CHSY3: variants seen among roughly 807,000 people sequenced by gnomAD.
CHSY3 encodes chondroitin sulfate synthase 3.
A neutral mutation model predicts 67.2 loss-of-function variants in CHSY3; 35 were observed. That is an observed-to-expected ratio of 0.52 (90% confidence interval 0.40 to 0.69). The LOEUF (loss-of-function observed/expected upper bound fraction) is 0.69, where lower values mean the gene tolerates loss of function less well. Ranked by LOEUF, CHSY3 falls within the 30% of genes least tolerant of loss-of-function variation. The pLI is 0.00. For missense variants in CHSY3, 1,069 were observed against 1,138.5 expected (o/e 0.94, Z 0.88); for synonymous variants, 474 against 434.7 (o/e 1.09, Z -1.12).
intron 2 of CHSY3, among the ~76,000 whole-genome samples, chr5:130,049,137 G>A (rs968488795): frequency 6.6e-6 from 1 of 151,998 alleles, no homozygotes; most frequent in Admixed American, 6.6e-5. Context: ...TTGGCTCTAA[G>A]TCATGAGTTA....
In CHSY3 at chr5:130,185,019, C is replaced by A; in HGVS notation, c.1877C>A (p.Pro626His). 1 of 1,575,210 alleles carries A rather than the reference C, an allele frequency of 6.3e-7. No homozygotes were observed. Among genetic ancestry groups the A allele is most frequent in the Non-Finnish European group, 8.7e-7 (1 of 1,144,694 alleles). Residue 626 changes from proline (P) to histidine (H), a missense_variant, in exon 3 of 3, where the codon CCT becomes CAT. Transcript: ENST00000305031. ...GAAAAGAAAGTACACATTCTCGTTC[C>A]TCTCATCGGAAGGTATGACATTTTC... ...HNEKKVHILV[P>H]LIGRYDIFLR... is the part of the protein sequence containing the mutation.
Position 130,162,057 on chromosome 5 carries a change from A to AAGAAAG in CHSY3, c.1087-22171_1087-22170insGAAAGA, listed in dbSNP as rs1554087187. On this transcript the variant is annotated intron_variant, in intron 2 of 2. Coordinates refer to ENST00000305031, the MANE Select transcript of CHSY3 (RefSeq NM_175856.5). The stretch of plus-strand genomic sequence containing the variant: ...CCCTGTCTCAAAAAAAAAAAAAAAA[A>AAGAAAG]AAAGAAAGAAAGAAAGAAAAAGTTA... Among the ~76,000 whole-genome samples, 148 of 122,962 alleles carry AAGAAAG rather than the reference A, an allele frequency of 1.2e-3. 1 individual carries two copies. Among genetic ancestry groups the AAGAAAG allele is most frequent in the African/African-American group, 3.8e-3 (123 of 32,024 alleles). The allele number at this position is 122,962 out of a possible 152,430, so 80.7% of individuals were successfully genotyped here.
In CHSY3 at chr5:129,905,208, G is replaced by T. The variant is rs1178784995; in HGVS notation, c.379G>T (p.Ala127Ser). Residue 127 changes from alanine (A) to serine (S), a missense_variant, in exon 1 of 3, where the codon GCT becomes TCT. Physicochemically the swap from Ala to Ser is moderately conservative, Grantham distance 99. Transcript: ENST00000305031. ...EPEGATGLPG[A>S]PAAEGEPEEE... ...TGAGGGCGCGACGGGGCTTCCCGGT[G>T]CTCCAGCGGCCGAGGGGGAGCCCGA... 1.1e-5 allele frequency: 16 copies of T among 1,512,334 alleles called. No homozygotes were observed. Among genetic ancestry groups the T allele is most frequent in the Non-Finnish European group, 1.1e-5 (13 of 1,136,852 alleles). 93.7% of individuals were successfully genotyped at this position (1,512,334 alleles called of 1,614,324 possible).
At chr5:130,008,627 G>T (rs1242265988) in intron 2 of CHSY3, among the ~76,000 whole-genome samples, 1 of 152,162 alleles carries the variant, frequency 6.6e-6, no homozygotes, top group Non-Finnish European at 1.5e-5. Flanking sequence ...GACTGAAATG[G>T]CTGAAATGAC....
chr5:130,007,474 G>A (rs866346119), intron 2 of CHSY3, among the ~76,000 whole-genome samples: 2 of 152,116 alleles, frequency 1.3e-5, no homozygotes, highest in African/African-American at 4.8e-5. Context: ...AACCCTGCAT[G>A]TGGTTATTTA....
intron 2 of CHSY3, among the ~76,000 whole-genome samples, chr5:130,076,873 C>T (rs1766278084): frequency 6.7e-6 from 1 of 149,338 alleles, no homozygotes; most frequent in Non-Finnish European, 1.5e-5. Flanking sequence ...CGCATATTCT[C>T]ACTCATAGGT....
chr5:129,928,108 G>A (rs1267416347), intron 2 of CHSY3, among the ~76,000 whole-genome samples: 2 of 151,972 alleles, frequency 1.3e-5, no homozygotes, highest in Non-Finnish European at 2.9e-5. Flanking sequence ...GTAAATGTGT[G>A]TCATGGGGGT....
At chr5:129,954,859 A>G (rs550108321) in intron 2 of CHSY3, among the ~76,000 whole-genome samples, 3 of 151,984 alleles carry the variant, frequency 2.0e-5, no homozygotes, top group Admixed American at 2.0e-4. Flanking sequence ...AGTTGCCTGT[A>G]TCTTCTTAAA....
At chr5:129,984,261 A>G (rs1467361474) in intron 2 of CHSY3, among the ~76,000 whole-genome samples, 1 of 152,138 alleles carries the variant, frequency 6.6e-6, no homozygotes, top group Non-Finnish European at 1.5e-5. Context: ...GCTCACACTT[A>G]TTAGTTAAAA....
chr5:130,161,103 A>G (rs1174716175), intron 2 of CHSY3, among the ~76,000 whole-genome samples: 1 of 151,674 alleles, frequency 6.6e-6, no homozygotes, highest in African/African-American at 2.4e-5. Flanking sequence ...ACTGGGTTTC[A>G]TCATGTTAGC....
intron 2 of CHSY3, among the ~76,000 whole-genome samples, chr5:130,157,010 G>A (rs1200806628): frequency 3.3e-5 from 5 of 152,160 alleles, no homozygotes; most frequent in African/African-American, 1.2e-4. Flanking sequence ...CTGGTTTGAG[G>A]TGAGGCTTTG....
At chr5:129,975,084 G>A (rs1762762315) in intron 2 of CHSY3, 1 of 152,062 alleles carries the variant, frequency 6.6e-6, no homozygotes, top group South Asian at 2.1e-4. Context: ...TGTGGGGTGG[G>A]GGTAGGGGGG....
intron 2 of CHSY3, among the ~76,000 whole-genome samples, chr5:130,122,145 T>A (rs1307238250): frequency 6.6e-6 from 1 of 152,176 alleles, no homozygotes; most frequent in African/African-American, 2.4e-5. Flanking sequence ...ACAATTGATA[T>A]AATAGCTCAA....
intron 2 of CHSY3, among the ~76,000 whole-genome samples, chr5:130,017,222 T>C (rs1764242748): frequency 6.6e-6 from 1 of 152,080 alleles, no homozygotes; most frequent in African/African-American, 2.4e-5. Context: ...ATTCATGCTA[T>C]GCAGGTGTGG....
rs551291555 is a variant in CHSY3 at position 130,115,921 on chromosome 5, C to A, written c.1087-68308C>A. On this transcript the variant is annotated intron_variant, in intron 2 of 2. Coordinates refer to ENST00000305031, the MANE Select transcript of CHSY3 (RefSeq NM_175856.5). ...CATCCCTGGAGTCTGACTGAGCTCA[C>A]GTCGACCTCCTTCTACGATGGCTCA... 4.6e-5 allele frequency among the ~76,000 whole-genome samples: 7 copies of A among 152,320 alleles called. No individual in the cohort carries two copies. In the East Asian group the frequency reaches 1.4e-3, roughly 29 times the overall value.
intron 2 of CHSY3, among the ~76,000 whole-genome samples, chr5:130,032,041 A>C (rs1054081154): frequency 4.6e-5 from 7 of 152,156 alleles, no homozygotes; most frequent in African/African-American, 1.7e-4. Flanking sequence ...CAGTAAATCA[A>C]AGTAAAATCA....
chr5:130,030,197 A>C (rs1389521576), intron 2 of CHSY3, among the ~76,000 whole-genome samples: 1 of 152,000 alleles, frequency 6.6e-6, no homozygotes, highest in Non-Finnish European at 1.5e-5. Flanking sequence ...TGTCATCTCA[A>C]TGTTTTGTTC....
Position 130,185,212 on chromosome 5 carries a change from A to G in CHSY3, c.2070A>G (p.Pro690=). 2 of 1,609,452 alleles carry G rather than the reference A, an allele frequency of 1.2e-6. No individual in the cohort carries two copies. Among genetic ancestry groups the G allele is most frequent in the Non-Finnish European group, 8.5e-7 (1 of 1,175,810 alleles). The stretch of plus-strand genomic sequence containing the variant: ...CCAAAGCAGAAATGACCCTGATCCC[A>G]ATGAAGGGAGAGTTTTCCAGAGGTC... ...KYPKAEMTLI[P]MKGEFSRGLG... is the part of the protein sequence containing the mutation. The change falls in exon 3 of 3, where the codon CCA becomes CCG. Residue 690 remains proline (P), a synonymous_variant. Transcript: ENST00000305031.
intron 2 of CHSY3, among the ~76,000 whole-genome samples, chr5:129,990,706 A>G (rs1317794661): frequency 6.6e-6 from 1 of 152,110 alleles, no homozygotes; most frequent in Admixed American, 6.6e-5. Context: ...ATTATTTCTT[A>G]GTTAATTTTT....
Sources: gnomAD v4.1 joint callset for allele counts (sites outside exome capture counted in the v4.1 genomes callset) on GRCh38, gnomAD v4.1.1 for gene constraint, MANE v1.5 for transcripts, NCBI Gene and HGNC (gene_info 2026-07-23, HGNC 2026-07-21) for gene names.